The following RCN1 variants were observed in gnomAD, a reference collection of about 807,000 sequenced individuals.
RCN1 encodes the protein reticulocalbin-1.
In RCN1, 14 loss-of-function variants were observed where a neutral mutation model predicts 34.7. The observed-to-expected ratio is 0.40, with a 90% CI of 0.27 to 0.63. The LOEUF (loss-of-function observed/expected upper bound fraction) is 0.63. RCN1 is among the 30% of genes least tolerant of loss of function. RCN1 has a pLI of 0.37. For synonymous variants in RCN1, 125 were observed against 165.5 expected (o/e 0.76, Z 1.88); for missense variants, 326 against 425.1 (o/e 0.77, Z 2.05).
At chr11:32,098,633 GAGA>G (rs1852001023) in intron 3 of RCN1, 105 bp downstream of exon 3, 13 of 932,072 alleles carry the variant, frequency 1.4e-5, no homozygotes, top group Admixed American at 3.0e-5. Flanking sequence ...AAGGGAATTG[GAGA>G]AGGACTCTGA....
Position 32,104,520 on chromosome 11 carries a change from G to A in RCN1, c.*48G>A, listed in dbSNP as rs1487057811. On this transcript the variant is annotated 3_prime_UTR_variant, in exon 6 of 6. Coordinates refer to ENST00000054950, the MANE Select transcript of RCN1 (RefSeq NM_002901.4). ...AGACTGTCATAGGCATTCTGTTATT[G>A]TCTTGGATTGTTGCTACAATTGTCT... The A allele has an allele frequency of 4.0e-6, 4 of 994,932 alleles. No individual in the cohort carries two copies. In the Admixed American group the frequency reaches 7.2e-5, roughly 18 times the overall value. The allele number at this position is 994,932 out of a possible 1,614,324, so 61.6% of individuals were successfully genotyped here. A position where few individuals can be genotyped will look rare whatever the true frequency, so the allele number is the denominator to read the frequency against.
At chr11:32,098,192 T>G (rs1851994185) in intron 2 of RCN1, among the ~76,000 whole-genome samples, 158 bp from the exon 3 acceptor site, 1 of 152,188 alleles carries the variant, frequency 6.6e-6, no homozygotes, top group Non-Finnish European at 1.5e-5. Flanking sequence ...GGACTGATAT[T>G]AGAGGCATTC....
intron 2 of RCN1, 143 bp from the exon 3 acceptor site, chr11:32,098,207 A>T (rs1851994456): frequency 1.6e-6 from 1 of 643,542 alleles, no homozygotes; most frequent in Non-Finnish European, 2.6e-6. Flanking sequence ...GCATTCTGAC[A>T]TAGAATGTTT....
Position 32,091,212 on chromosome 11 carries a change from C to A in RCN1, c.16C>A (p.Arg6Ser). The A allele has an allele frequency of 2.1e-6, 3 of 1,440,816 alleles. No individual in the cohort carries two copies. Among genetic ancestry groups the A allele is most frequent in the South Asian group, 1.5e-5 (1 of 66,654 alleles). 89.3% of individuals were successfully genotyped at this position (1,440,816 alleles called of 1,614,324 possible). A position where few individuals can be genotyped will look rare whatever the true frequency, so the allele number is the denominator to read the frequency against. Residue 6 changes from arginine to serine, a missense_variant, in exon 1 of 6, where the codon CGC becomes AGC. By Grantham distance (110) the Arg-to-Ser change is moderately radical. Transcript: ENST00000054950. ...CCTCGGGACGATGGCGCGCGGTGGC[C>A]GCGGCCGCCGCCTGGGGTTAGCCCT... MARGG[R>S]GRRLGLALGL...
intron 4 of RCN1, chr11:32,102,855 G>A (rs1182294078): frequency 5.4e-6 from 2 of 372,942 alleles, no homozygotes; most frequent in Non-Finnish European, 1.0e-5. Flanking sequence ...ACTTTATACA[G>A]TATCTGGACC....
At chr11:32,097,515 G>A (rs927263708) in intron 2 of RCN1, among the ~76,000 whole-genome samples, 178 bp downstream of exon 2, 12 of 152,080 alleles carry the variant, frequency 7.9e-5, no homozygotes, top group Admixed American at 2.6e-4. Flanking sequence ...TGCTTACACT[G>A]AATGAAGTTA....
At chr11:32,100,659 C>T (rs1485098397) in intron 4 of RCN1, 51 bp downstream of exon 4, 1 of 1,437,834 alleles carries the variant, frequency 7.0e-7, no homozygotes, top group Non-Finnish European at 9.8e-7. Flanking sequence ...GGCCACATGA[C>T]CCCACCCACA....
chr11:32,098,313 C>A (rs752404622), intron 2 of RCN1, 37 bp from the exon 3 acceptor site: 42 of 1,566,698 alleles, frequency 2.7e-5, no homozygotes, highest in Admixed American at 7.4e-5. Context: ...CTTGACCGCA[C>A]GGTTTAAAAA....
chr11:32,098,253 T>C (rs899362952), intron 2 of RCN1, 97 bp from the exon 3 acceptor site: 1 of 1,112,048 alleles, frequency 9.0e-7, no homozygotes, highest in Non-Finnish European at 1.3e-6. Flanking sequence ...TTTTTCCCTA[T>C]ATGTACCATT....
rs1300486664 is a variant in RCN1, at chr11:32,103,365, T to C, written c.773T>C (p.Leu258Pro). The C allele has an allele frequency of 4.3e-6, 7 of 1,613,466 alleles. No homozygotes were observed. Among genetic ancestry groups the C allele is most frequent in the African/African-American group, 2.7e-5 (2 of 74,934 alleles). The change falls in exon 5 of 6, where the codon CTG becomes CCG. Residue 258 changes from leucine to proline, a missense_variant. Transcript: ENST00000054950. ...GAGCAGTTTAACGAATTCCGGGATC[T>C]GAACAAGGACGGGAAGTTAGACAAA... ...EREQFNEFRD[L>P]NKDGKLDKDE...
In RCN1 at chr11:32,098,502, G is replaced by A. The variant is rs1332500817; in HGVS notation, c.601G>A (p.Glu201Lys). 4 of 1,611,860 alleles carry A rather than the reference G, an allele frequency of 2.5e-6. No individual in the cohort carries two copies. The highest frequency in any genetic ancestry group is 2.2e-5 in the East Asian group (1 of 44,854). The change falls in exon 3 of 6, where the codon GAA (glutamate) becomes AAA (lysine). Residue 201 changes from glutamate to lysine, a missense_variant. Physicochemically the swap from Glu to Lys is moderately conservative, Grantham distance 56. Transcript: ENST00000054950. Reference protein sequence around the residue: ...FTAFLHPEEFEHMKEIVVLET... With the variant: ...FTAFLHPEEFKHMKEIVVLET... ...TGCCTTTCTGCATCCTGAAGAGTTT[G>A]AACATATGAAGGAAATTGTGGTTTT...
At chr11:32,099,320 CAAA>C (rs201133722) in intron 3 of RCN1, among the ~76,000 whole-genome samples, 15 of 120,924 alleles carry the variant, frequency 1.2e-4, no homozygotes, top group East Asian at 6.8e-4. Context: ...GACTCCTTCT[CAAA>C]AAAAAAAAAA....
At chr11:32,094,127 T>C (rs1851946998) in intron 1 of RCN1, among the ~76,000 whole-genome samples, 1 of 152,058 alleles carries the variant, frequency 6.6e-6, no homozygotes, top group African/African-American at 2.4e-5. Flanking sequence ...GGGCTGAGTG[T>C]GAGAAGCTGC....
chr11:32,091,161 C>A lies in RCN1; in HGVS notation c.-36C>A. ...CGAGCTGCCGCTGTTGTCGCTCGCT[C>A]AGCGTCTCCCTCTCGGCCGCCCTCT... On this transcript the variant is annotated 5_prime_UTR_variant, in exon 1 of 6. Coordinates refer to ENST00000054950, the MANE Select transcript of RCN1 (RefSeq NM_002901.4). 7.2e-7 allele frequency: 1 copy of A among 1,391,238 alleles called. No homozygotes were observed. The allele number at this position is 1,391,238 out of a possible 1,614,324, so 86.2% of individuals were successfully genotyped here. A position where few individuals can be genotyped will look rare whatever the true frequency, so the allele number is the denominator to read the frequency against.
At chr11:32,095,598 C>CG (rs1389146881) in intron 1 of RCN1, among the ~76,000 whole-genome samples, 1 of 152,060 alleles carries the variant, frequency 6.6e-6, no homozygotes, top group Admixed American at 6.5e-5. Flanking sequence ...TTAGTAGAGA[C>CG]GGGGTTTCAC....
At chr11:32,095,660 G>A (rs566914617) in intron 1 of RCN1, among the ~76,000 whole-genome samples, 8 of 151,966 alleles carry the variant, frequency 5.3e-5, no homozygotes, top group Non-Finnish European at 7.4e-5. Flanking sequence ...CACCTGCCTC[G>A]GCCTCCCAAA....
Position 32,097,134 on chromosome 11 carries a change from T to TTTTC in RCN1, c.255-10_255-9insTTTC, listed in dbSNP as rs771282884. ...GTGTGGGTTTCTTTTTTTTTTTTTT[T>TTTTC]GTACTGCAGGAAGATTGTTGATCGA... On this transcript the variant is annotated splice_polypyrimidine_tract_variant and intron_variant, in intron 1 of 5. Coordinates refer to ENST00000054950, the MANE Select transcript of RCN1 (RefSeq NM_002901.4). 8 of 1,452,944 alleles carry TTTTC rather than the reference T, an allele frequency of 5.5e-6. No individual in the cohort carries two copies. Among genetic ancestry groups the TTTTC allele is most frequent in the Non-Finnish European group, 5.4e-6 (6 of 1,102,248 alleles). 90.0% of individuals were successfully genotyped at this position (1,452,944 alleles called of 1,614,324 possible).
At chr11:32,093,773 C>A (rs1851944342) in intron 1 of RCN1, among the ~76,000 whole-genome samples, 1 of 152,136 alleles carries the variant, frequency 6.6e-6, no homozygotes, top group African/African-American at 2.4e-5. Flanking sequence ...ATGTCATAAT[C>A]CCCAAAACTC....
chr11:32,102,113 C>G (rs1852050684), intron 4 of RCN1: 1 of 152,028 alleles, frequency 6.6e-6, no homozygotes, highest in African/African-American at 2.4e-5. Flanking sequence ...CTCGGGGAGG[C>G]TTCTCTTCAA....
Sources: allele counts gnomAD v4.1 joint callset (sites outside exome capture counted in the v4.1 genomes callset), GRCh38; gene constraint gnomAD v4.1.1; transcripts MANE v1.5; gene names NCBI Gene and HGNC (gene_info 2026-07-23, HGNC 2026-07-21).